Variants in PNPT1 observed in about 807,000 individuals in gnomAD.
The protein encoded by PNPT1 is polyribonucleotide nucleotidyltransferase 1, also known as polyribonucleotide nucleotidyltransferase 1, mitochondrial.
A neutral mutation model predicts 119.5 loss-of-function variants in PNPT1; 53 were observed. That is an observed-to-expected ratio of 0.44 (90% CI 0.36 to 0.56). PNPT1 has a LOEUF of 0.56. PNPT1 is among the 20% of genes least tolerant of loss of function. PNPT1 has a pLI of 0.00. For synonymous variants in PNPT1, 357 were observed against 322.1 expected (o/e 1.11, Z -1.16); for missense variants, 948 against 938.5 (o/e 1.01, Z -0.13).
At chr2:55,674,706 A>G (rs1697011554) in intron 8 of PNPT1, among the ~76,000 whole-genome samples, 1 of 152,228 alleles carries the variant, frequency 6.6e-6, no homozygotes, top group Admixed American at 6.5e-5. Context: ...CAAAAATTGT[A>G]ACACTGCCTG....
intron 17 of PNPT1, among the ~76,000 whole-genome samples, chr2:55,655,245 T>C (rs1696349410): frequency 6.6e-6 from 1 of 152,120 alleles, no homozygotes; most frequent in African/African-American, 2.4e-5. Context: ...ACAAAAAGTT[T>C]TATTTTACTA....
rs544368985 is a variant in PNPT1 at position 55,693,243 on chromosome 2, C to T, written c.161+420G>A. Among the ~76,000 whole-genome samples the T allele has an allele frequency of 8.7e-4, 132 of 152,334 alleles. 2 individuals are homozygous for T. The South Asian group carries it at 0.027, about 31-fold the overall frequency. ...CCGTGGTGCACTAGCCACCCGGAGCCTCTGCTGAGGTCTGTGTCCCAGCTC... is the reference window on the plus strand; with the variant it reads ...CCGTGGTGCACTAGCCACCCGGAGCTTCTGCTGAGGTCTGTGTCCCAGCTC... On this transcript the variant is annotated intron_variant, in intron 1 of 27. Transcript: ENST00000447944.
At chr2:55,663,107 A>T (rs1696630515) in intron 13 of PNPT1, among the ~76,000 whole-genome samples, 1 of 151,974 alleles carries the variant, frequency 6.6e-6, no homozygotes, top group African/African-American at 2.4e-5. Flanking sequence ...TATGGTCTCG[A>T]TCTCCTGACC....
In PNPT1 at chr2:55,646,278, C is replaced by T. The variant is rs920016695; in HGVS notation, c.1719G>A (p.Glu573=). 1 of 1,613,248 alleles carries T rather than the reference C, an allele frequency of 6.2e-7. No individual in the cohort carries two copies. The highest frequency in any genetic ancestry group is 1.1e-5 in the South Asian group (1 of 90,966). Residue 573 remains glutamate (E), a synonymous_variant, in exon 21 of 28, where the codon GAG becomes GAA. Coordinates refer to ENST00000447944, the MANE Select transcript of PNPT1 (RefSeq NM_033109.5). ...GCTCACCTGAAGCTTGTTGAATAGC[C>T]TCCATCACAATTTTTATTGGTATTC... ...LPGIPIKIVM[E]AIQQASVAKK...
rs1389245427 is a variant in PNPT1, at chr2:55,662,038, AAAG to A, written c.1177-15_1177-13del. ...ACGGTACAAAGCACCTAAAAAAGAAAAAGAATTCCTCAGGCTTTAATATACTAA... is the reference window on the plus strand; with the variant it reads ...ACGGTACAAAGCACCTAAAAAAGAAAAATTCCTCAGGCTTTAATATACTAA... On this transcript the variant is annotated splice_polypyrimidine_tract_variant and intron_variant, in intron 13 of 27. Transcript: ENST00000447944. 2 of 1,549,978 alleles carry A rather than the reference AAAG, an allele frequency of 1.3e-6. No homozygotes were observed. Among genetic ancestry groups the A allele is most frequent in the East Asian group, 2.3e-5 (1 of 43,112 alleles).
intron 11 of PNPT1, among the ~76,000 whole-genome samples, chr2:55,670,227 C>T (rs1696866831): frequency 6.6e-6 from 1 of 151,942 alleles, no homozygotes; most frequent in Non-Finnish European, 1.5e-5. Flanking sequence ...CGCTCCGTTG[C>T]CCAAGCTGGA....
intron 25 of PNPT1, among the ~76,000 whole-genome samples, chr2:55,642,399 G>GATCGAGACC (rs1364467791): frequency 1.3e-5 from 2 of 151,670 alleles, no homozygotes; most frequent in African/African-American, 4.8e-5. Context: ...AAGGTCAGGA[G>GATCGAGACC]ATCGAGACCA....
chr2:55,664,322 AG>A lies in PNPT1; in HGVS notation c.1177-2297del, dbSNP rs1446417868. ...AAGTGGTACAAAATTAATTCTAAAA[AG>A]ACTGTGAGGGTCTTATGCCTGTAAT... On this transcript the variant is annotated intron_variant, in intron 13 of 27. Coordinates refer to ENST00000447944, the MANE Select transcript of PNPT1 (RefSeq NM_033109.5). Among the ~76,000 whole-genome samples, 12 of 152,300 alleles carry A rather than the reference AG, an allele frequency of 7.9e-5. No individual in the cohort carries two copies. In the East Asian group the frequency reaches 2.3e-3, roughly 29 times the overall value.
At chr2:55,655,669 A>G (rs1696363216) in intron 17 of PNPT1, among the ~76,000 whole-genome samples, 1 of 152,188 alleles carries the variant, frequency 6.6e-6, no homozygotes, top group Non-Finnish European at 1.5e-5. Flanking sequence ...CACCTTTAAG[A>G]ACTCCATGAC....
At chr2:55,691,852 A>G (rs1315619059) in intron 1 of PNPT1, among the ~76,000 whole-genome samples, 1 of 58,454 alleles carries the variant, frequency 1.7e-5, no homozygotes, top group Non-Finnish European at 3.3e-5. Flanking sequence ...AAATGTTTAT[A>G]TATATATATA....
intron 15 of PNPT1, among the ~76,000 whole-genome samples, chr2:55,659,470 A>G (rs1178911515): frequency 6.6e-6 from 1 of 152,084 alleles, no homozygotes; most frequent in Non-Finnish European, 1.5e-5. Context: ...TTGGGAGTTG[A>G]GGTATTTAAA....
intron 26 of PNPT1, 133 bp from the exon 27 acceptor site, chr2:55,637,732 C>T (rs1572791175): frequency 1.4e-6 from 1 of 712,446 alleles, no homozygotes; most frequent in Non-Finnish European, 2.4e-6. Flanking sequence ...CGCAGTGGCT[C>T]AAGCCTGTAA....
At chr2:55,693,511 A>C (rs1328903776) in intron 1 of PNPT1, 152 bp downstream of exon 1, 6 of 1,168,114 alleles carry the variant, frequency 5.1e-6, no homozygotes, top group East Asian at 5.0e-5. Context: ...ACACATTCCA[A>C]ACCCGGAAAG....
intron 18 of PNPT1, among the ~76,000 whole-genome samples, chr2:55,654,148 T>G (rs1207802078): frequency 1.3e-5 from 2 of 150,928 alleles, no homozygotes; most frequent in Admixed American, 6.7e-5. Flanking sequence ...TTCCAGCTAC[T>G]CAGGAGGCTG....
In PNPT1 at chr2:55,643,216, G is replaced by A. The variant is rs748445058; in HGVS notation, c.2014-3C>T. On this transcript the variant is annotated splice_region_variant and splice_polypyrimidine_tract_variant and intron_variant, in intron 24 of 27. Coordinates refer to ENST00000447944, the MANE Select transcript of PNPT1 (RefSeq NM_033109.5). ...CCAAATTCTAATTGCTGCTCCTGCTGTAAGTGCAAAATAAGCCATAAGATT... is the reference window on the plus strand; with the variant it reads ...CCAAATTCTAATTGCTGCTCCTGCTATAAGTGCAAAATAAGCCATAAGATT... The A allele has an allele frequency of 6.2e-7, 1 of 1,614,130 alleles. No individual in the cohort carries two copies. The highest frequency in any genetic ancestry group is 8.5e-7 in the Non-Finnish European group (1 of 1,180,014).
At chr2:55,660,529 T>C (rs1696531244) in intron 14 of PNPT1, among the ~76,000 whole-genome samples, 1 of 152,174 alleles carries the variant, frequency 6.6e-6, no homozygotes, top group Non-Finnish European at 1.5e-5. Context: ...GTTAGTTAAA[T>C]CTCAGAGCTA....
chr2:55,685,137 C>A, intron 3 of PNPT1, 89 bp from the exon 4 acceptor site: 2 of 927,902 alleles, frequency 2.2e-6, no homozygotes, highest in Non-Finnish European at 3.1e-6. Flanking sequence ...AGGTTGCTAA[C>A]AACACAGTCT....
chr2:55,639,587 A>T (rs1291667374), intron 26 of PNPT1, among the ~76,000 whole-genome samples: 1 of 152,124 alleles, frequency 6.6e-6, no homozygotes, highest in African/African-American at 2.4e-5. Flanking sequence ...TAATTTGTTC[A>T]TGTTCTTTAC....
chr2:55,670,422 G>A (rs553520860), intron 11 of PNPT1, among the ~76,000 whole-genome samples: 13 of 151,898 alleles, frequency 8.6e-5, no homozygotes, highest in African/African-American at 2.9e-4. Flanking sequence ...TCTTGACCTC[G>A]TGATCTGTCT....
Sources: allele counts gnomAD v4.1 joint callset (sites outside exome capture counted in the v4.1 genomes callset), GRCh38; gene constraint gnomAD v4.1.1; transcripts MANE v1.5; gene names NCBI Gene and HGNC (gene_info 2026-07-23, HGNC 2026-07-21).